The following CDH23 variants were observed in gnomAD, a reference collection of about 807,000 sequenced individuals.
CDH23 encodes cadherin related 23.
A neutral mutation model predicts 317.1 loss-of-function variants in CDH23; 189 were observed. That is an observed-to-expected ratio of 0.60 (90% CI 0.53 to 0.67). The LOEUF (loss-of-function observed/expected upper bound fraction) is 0.67. Ranked by LOEUF, CDH23 falls within the 30% of genes least tolerant of loss-of-function variation. The pLI, the probability that CDH23 is intolerant of heterozygous loss-of-function variation, is 0.00. For missense variants in CDH23, 4,401 were observed against 4,592.4 expected (o/e 0.96, Z 1.20); for synonymous variants, 1,839 against 1,876.8 (o/e 0.98, Z 0.52).
chr10:71,740,766 T>C (rs1475477770), intron 36 of CDH23, 56 bp from the exon 37 acceptor site: 3 of 1,609,258 alleles, frequency 1.9e-6, no homozygotes, highest in African/African-American at 1.3e-5. Context: ...GACTCCATAT[T>C]CCCAATCCTG....
chr10:71,679,307 C>T, intron 16 of CDH23, 80 bp from the exon 17 acceptor site: 1 of 857,270 alleles, frequency 1.2e-6, no homozygotes, highest in South Asian at 1.4e-5. Flanking sequence ...CCAGTCTTCC[C>T]CACCCTCCCA....
At chr10:71,629,219 A>G (rs915227825) in intron 11 of CDH23, among the ~76,000 whole-genome samples, 81 of 152,380 alleles carry the variant, frequency 5.3e-4, no homozygotes, top group African/African-American at 1.3e-3. Flanking sequence ...AGGATGGAAG[A>G]CCAAAGAAAC....
intron 21 of CDH23, among the ~76,000 whole-genome samples, 194 bp downstream of exon 21, chr10:71,694,453 C>G (rs1865300662): frequency 6.6e-6 from 1 of 152,094 alleles, no homozygotes; most frequent in South Asian, 2.1e-4. Flanking sequence ...AAAGGCATCA[C>G]CACCAGGAAT....
At chr10:71,428,139 CTTTTTTTTTTTT>C (rs112105182) in intron 1 of CDH23, among the ~76,000 whole-genome samples, 2 of 131,536 alleles carry the variant, frequency 1.5e-5, no homozygotes, top group Non-Finnish European at 3.2e-5. Flanking sequence ...TTCTTTCTTT[CTTTTTTTTTTTT>C]TTTTTTGAAA....
At chr10:71,710,296 G>A (rs1865927012) in intron 27 of CDH23, among the ~76,000 whole-genome samples, 1 of 152,236 alleles carries the variant, frequency 6.6e-6, no homozygotes, top group Non-Finnish European at 1.5e-5. Flanking sequence ...GCTCTAGATA[G>A]ATCCATTCTG....
At chr10:71,563,203 C>T (rs928441930) in intron 6 of CDH23, among the ~76,000 whole-genome samples, 4 of 152,166 alleles carry the variant, frequency 2.6e-5, no homozygotes, top group African/African-American at 9.7e-5. Context: ...AGGCACATCC[C>T]CTCTCTGGGC....
chr10:71,626,571 G>A (rs1861746048), intron 11 of CDH23, among the ~76,000 whole-genome samples: 1 of 152,176 alleles, frequency 6.6e-6, no homozygotes, highest in African/African-American at 2.4e-5. Flanking sequence ...GAGAGTGGGT[G>A]CAGCTGCCCT....
intron 17 of CDH23, among the ~76,000 whole-genome samples, chr10:71,680,691 G>GGAGC (rs201124469): frequency 0.02 from 2,941 of 145,850 alleles, 177 homozygotes; most frequent in East Asian, 0.17. Flanking sequence ...GAGGTTGCAG[G>GGAGC]GAGCCCAGGT....
rs370457766 is a variant in CDH23 at position 71,689,152 on chromosome 10, T to C, written c.2060-1316T>C. Among the ~76,000 whole-genome samples, 146 of 80,226 alleles carry C rather than the reference T, an allele frequency of 1.8e-3. 1 individual carries two copies. The highest frequency in any genetic ancestry group is 3.0e-3 in the African/African-American group (62 of 20,654). 52.6% of individuals were successfully genotyped at this position (80,226 alleles called of 152,430 possible). On this transcript the variant is annotated intron_variant, in intron 19 of 69. Transcript: ENST00000224721. ...GGTGGTGGAGCCAGGGGTGGTGGAG[T>C]CAGGGATGGTGGAGTCAGGGGTGGT...
intron 19 of CDH23, among the ~76,000 whole-genome samples, chr10:71,690,198 G>A (rs1368179831): frequency 3.3e-5 from 5 of 152,132 alleles, no homozygotes; most frequent in Admixed American, 3.3e-4. Context: ...GAGACAGGAA[G>A]ACATCAGAGG....
intron 3 of CDH23, among the ~76,000 whole-genome samples, chr10:71,489,964 T>A (rs1852564000): frequency 6.6e-6 from 1 of 152,020 alleles, no homozygotes; most frequent in Non-Finnish European, 1.5e-5. Flanking sequence ...TGTGGGGGTA[T>A]GAATTTATTT....
At chr10:71,430,680 G>A (rs964087538) in intron 1 of CDH23, among the ~76,000 whole-genome samples, 3 of 152,090 alleles carry the variant, frequency 2.0e-5, no homozygotes, top group African/African-American at 7.2e-5. Flanking sequence ...CCTGGTGGTG[G>A]GAGCCTGTAC....
chr10:71,471,803 C>G (rs912839803), intron 3 of CDH23, among the ~76,000 whole-genome samples: 1 of 152,198 alleles, frequency 6.6e-6, no homozygotes, highest in Non-Finnish European at 1.5e-5. Context: ...CAAGCCGTCT[C>G]TCTTCCCGGA....
chr10:71,656,460 A>G (rs913626148), intron 14 of CDH23, among the ~76,000 whole-genome samples: 1 of 152,200 alleles, frequency 6.6e-6, no homozygotes. Flanking sequence ...TCCAGCGACT[A>G]TTTAAGGCCT....
At chr10:71,795,100 A>G (rs1841363169) in intron 48 of CDH23, among the ~76,000 whole-genome samples, 1 of 152,254 alleles carries the variant, frequency 6.6e-6, no homozygotes, top group Non-Finnish European at 1.5e-5. Context: ...TGTAAAATAC[A>G]TACAAAATAA....
chr10:71,728,500 C>T (rs577354458), intron 30 of CDH23, among the ~76,000 whole-genome samples: 15 of 152,318 alleles, frequency 9.8e-5, no homozygotes, highest in Admixed American at 5.9e-4. Context: ...TGTCACTTCT[C>T]TCCAGCTGAT....
At chr10:71,803,149 G>T in intron 54 of CDH23, 60 bp from the exon 55 acceptor site, 1 of 1,605,228 alleles carries the variant, frequency 6.2e-7, no homozygotes, top group South Asian at 1.1e-5. Flanking sequence ...CAGGCCAGGA[G>T]TAGAGGGAAG....
rs1285430863 is a variant in CDH23, at chr10:71,490,852, A to T, written c.146-19230A>T. ...AAACTGAGGCACAGGGAGGCAAAGTAACTTGTCCAAGGTCACTCAGCTTGT... is the reference window on the plus strand; with the variant it reads ...AAACTGAGGCACAGGGAGGCAAAGTTACTTGTCCAAGGTCACTCAGCTTGT... On this transcript the variant is annotated intron_variant, in intron 3 of 69. Coordinates refer to ENST00000224721, the MANE Select transcript of CDH23 (RefSeq NM_022124.6). Among the ~76,000 whole-genome samples the T allele has an allele frequency of 2.0e-5, 3 of 152,204 alleles. 1 individual carries two copies. The highest frequency in any genetic ancestry group is 4.4e-5 in the Non-Finnish European group (3 of 68,032).
intron 1 of CDH23, among the ~76,000 whole-genome samples, chr10:71,407,537 C>T (rs1273224993): frequency 6.6e-6 from 1 of 152,186 alleles, no homozygotes; most frequent in Non-Finnish European, 1.5e-5. Context: ...GACCCCAGCC[C>T]TTCCCATCTG....
Sources: allele counts gnomAD v4.1 joint callset (sites outside exome capture counted in the v4.1 genomes callset), GRCh38; gene constraint gnomAD v4.1.1; transcripts MANE v1.5; gene names NCBI Gene and HGNC (gene_info 2026-07-23, HGNC 2026-07-21).